PPP1R1C: variants seen among roughly 807,000 people sequenced by gnomAD.
PPP1R1C encodes the protein protein phosphatase 1 regulatory subunit 1C.
In PPP1R1C, 15 loss-of-function variants were observed where a neutral mutation model predicts 17.4. The observed-to-expected ratio is 0.86, with a 90% CI of 0.58 to 1.33. PPP1R1C has a LOEUF of 1.33. Ranked by LOEUF, PPP1R1C falls within the 40% of genes most tolerant of loss-of-function variation. PPP1R1C has a pLI of 0.00. For synonymous variants in PPP1R1C, 35 were observed against 43.1 expected (o/e 0.81, Z 0.73); for missense variants, 143 against 130.0 (o/e 1.10, Z -0.48).
intron 2 of PPP1R1C, among the ~76,000 whole-genome samples, chr2:182,039,316 C>A (rs1203054114): frequency 6.6e-6 from 1 of 152,098 alleles, no homozygotes; most frequent in African/African-American, 2.4e-5. Context: ...CTGCTCAAAC[C>A]AGCTTCCTGT....
intron 2 of PPP1R1C, among the ~76,000 whole-genome samples, chr2:182,002,863 A>G (rs1041551827): frequency 1.5e-4 from 23 of 151,378 alleles, no homozygotes; most frequent in Non-Finnish European, 2.8e-4. Flanking sequence ...GTATCTGTAC[A>G]TAGTCATTCT....
At chr2:182,017,744 CATTT>C (rs1413966542) in intron 2 of PPP1R1C, among the ~76,000 whole-genome samples, 29 of 152,062 alleles carry the variant, frequency 1.9e-4, no homozygotes, top group Admixed American at 6.5e-5. Context: ...AAAATACATT[CATTT>C]ACTTCCATGT....
intron 2 of PPP1R1C, among the ~76,000 whole-genome samples, chr2:182,015,315 C>T (rs1166514984): frequency 6.6e-6 from 1 of 152,184 alleles, no homozygotes; most frequent in Non-Finnish European, 1.5e-5. Flanking sequence ...CTCTTCCCTG[C>T]TGCCATGTAA....
chr2:182,121,445 G>A (rs1024027113), downstream of PPP1R1C, among the ~76,000 whole-genome samples: 1 of 151,928 alleles, frequency 6.6e-6, no homozygotes, highest in Admixed American at 6.6e-5. Context: ...TCAACATCAT[G>A]AACAAGTGAT....
intron 2 of PPP1R1C, among the ~76,000 whole-genome samples, chr2:182,025,429 A>C (rs917108853): frequency 1.4e-5 from 2 of 139,444 alleles, no homozygotes; most frequent in Non-Finnish European, 3.1e-5. Context: ...TCATTGTTCA[A>C]TTGCCACCTA....
At chr2:182,020,112 G>A (rs1468811477) in intron 2 of PPP1R1C, among the ~76,000 whole-genome samples, 1 of 152,194 alleles carries the variant, frequency 6.6e-6, no homozygotes, top group Non-Finnish European at 1.5e-5. Flanking sequence ...GATTGCTGAT[G>A]ACTGTAAAGA....
At chr2:182,118,827 TTTC>T (rs943969610), downstream of PPP1R1C, among the ~76,000 whole-genome samples, 91 of 151,974 alleles carry the variant, frequency 6.0e-4, no homozygotes, top group African/African-American at 2.1e-3. Flanking sequence ...TCTTCCTTTC[TTTC>T]TTCCTTTTCT....
chr2:181,976,357 AAC>A lies in PPP1R1C; in HGVS notation n.157+1095_157+1096del, dbSNP rs1685091937. On this transcript the variant is annotated intron_variant and non_coding_transcript_variant, in intron 2 of 5. Coordinates refer to the PPP1R1C transcript ENST00000464264. The surrounding 1 kb of genome is among the most constrained non-coding windows in gnomAD (Gnocchi z 4.8). ...AAAATTATTTGGAAACCCTACCAAC[AAC>A]AGAGTTCTAGAAGTTACTCTGAATC... is the stretch of plus-strand genomic sequence containing the variant. Among the ~76,000 whole-genome samples, 2 of 152,114 alleles carry A rather than the reference AAC, an allele frequency of 1.3e-5. No individual in the cohort carries two copies. Among genetic ancestry groups the A allele is most frequent in the South Asian group, 4.1e-4 (2 of 4,820 alleles).
chr2:182,026,329 T>A (rs1300569528), intron 2 of PPP1R1C, among the ~76,000 whole-genome samples: 1 of 142,416 alleles, frequency 7.0e-6, no homozygotes, highest in Non-Finnish European at 1.5e-5. Context: ...CTTCTCGGGT[T>A]TTTATGGTTT....
chr2:182,021,155 A>G (rs1327941542), intron 2 of PPP1R1C, among the ~76,000 whole-genome samples: 1 of 152,076 alleles, frequency 6.6e-6, no homozygotes, highest in Non-Finnish European at 1.5e-5. Context: ...ATCTTTGGTA[A>G]TTCAGGCAGA....
rs192993212 is a variant in PPP1R1C, at chr2:182,066,286, C to T, written c.241+2495C>T. 2.4e-4 allele frequency among the ~76,000 whole-genome samples: 36 copies of T among 152,170 alleles called. No individual in the cohort carries two copies. In the East Asian group the frequency reaches 5.4e-3, roughly 23 times the overall value. On this transcript the variant is annotated intron_variant, in intron 4 of 4. Coordinates refer to ENST00000682840, the MANE Select transcript of PPP1R1C (RefSeq NM_001080545.3). The stretch of plus-strand genomic sequence containing the variant: ...CAGTACTGTCATCTCAATTGAATTG[C>T]CTATGTTGGAGACAGATTGTTACAT...
intron 4 of PPP1R1C, 110 bp from the exon 5 acceptor site, chr2:182,117,097 A>G (rs908484816): frequency 1.3e-6 from 1 of 772,902 alleles, no homozygotes; most frequent in South Asian, 1.6e-5. Flanking sequence ...AGAAAAACAT[A>G]TAAACACCAA....
intron 2 of PPP1R1C, among the ~76,000 whole-genome samples, chr2:182,005,263 C>A (rs1685884208): frequency 6.6e-6 from 1 of 152,162 alleles, no homozygotes; most frequent in South Asian, 2.1e-4. Context: ...ATTAGCTAAG[C>A]AATTTAGATT....
rs1685089886 is a variant in PPP1R1C at position 181,976,250 on chromosome 2, G to T, written n.157+986G>T. On this transcript the variant is annotated intron_variant and non_coding_transcript_variant, in intron 2 of 5. Coordinates refer to the PPP1R1C transcript ENST00000464264. The surrounding 1 kb of genome is among the most constrained non-coding windows in gnomAD (Gnocchi z 4.8). ...GTAGGTGTTTAATGCATGAGTACAT[G>T]CATGTGTATATATGGATACAAATCT... Among the ~76,000 whole-genome samples the T allele has an allele frequency of 6.6e-6, 1 of 151,890 alleles. No homozygotes were observed. The highest frequency in any genetic ancestry group is 2.4e-5 in the African/African-American group (1 of 41,354).
At chr2:182,096,394 G>T (rs1688937822) in intron 4 of PPP1R1C, among the ~76,000 whole-genome samples, 1 of 152,126 alleles carries the variant, frequency 6.6e-6, no homozygotes, top group African/African-American at 2.4e-5. Context: ...TTGCTTCTGT[G>T]GATTTCTGAT....
chr2:182,042,120 T>C (rs1300069821), intron 2 of PPP1R1C, among the ~76,000 whole-genome samples: 1 of 152,202 alleles, frequency 6.6e-6, no homozygotes, highest in Non-Finnish European at 1.5e-5. Context: ...AATTATGTAG[T>C]TGTATTCACT....
At chr2:182,105,733 T>G (rs6735443) in intron 4 of PPP1R1C, among the ~76,000 whole-genome samples, 53,764 of 152,058 alleles carry the variant, frequency 0.35, 10,084 homozygotes, top group Non-Finnish European at 0.41. Flanking sequence ...GAATGTTTCA[T>G]TGGCAGCAGG....
intron 5 of PPP1R1C, among the ~76,000 whole-genome samples, chr2:182,123,132 C>T (rs988939875): frequency 3.3e-5 from 5 of 152,132 alleles, no homozygotes; most frequent in Non-Finnish European, 7.4e-5. Flanking sequence ...TGTTAGTTTG[C>T]TCAGAATGAT....
At chr2:182,023,214 C>T (rs1686484128) in intron 2 of PPP1R1C, among the ~76,000 whole-genome samples, 1 of 152,124 alleles carries the variant, frequency 6.6e-6, no homozygotes, top group Non-Finnish European at 1.5e-5. Context: ...AACAACATGA[C>T]TCTCATGATC....
Sources: gnomAD v4.1 joint callset for allele counts (sites outside exome capture counted in the v4.1 genomes callset) on GRCh38, gnomAD v4.1.1 for gene constraint, Gnocchi (gnomAD v3.1) non-coding constraint, MANE v1.5 for transcripts, NCBI Gene and HGNC (gene_info 2026-07-23, HGNC 2026-07-21) for gene names.